The following AGBL4 variants were observed in gnomAD, a reference collection of about 807,000 sequenced individuals.
AGBL4 encodes AGBL carboxypeptidase 4, also known as cytosolic carboxypeptidase 6.
Under a neutral mutation model 66.4 loss-of-function variants are expected in AGBL4, and 58 were observed. The observed-to-expected ratio is 0.87, with a 90% CI of 0.71 to 1.09. The LOEUF (loss-of-function observed/expected upper bound fraction) is 1.09. Among genes scored for constraint, AGBL4 ranks in the 50% least tolerant of loss-of-function variants. The pLI is 0.00. For synonymous variants in AGBL4, 234 were observed against 222.9 expected, an observed-to-expected ratio of 1.05 and a Z score of -0.44; for missense variants, 579 against 631.0, an observed-to-expected ratio of 0.92 and a Z score of 0.88.
intron 4 of AGBL4, among the ~76,000 whole-genome samples, chr1:49,065,261 A>T (rs1272010206): frequency 6.6e-6 from 1 of 152,196 alleles, no homozygotes. Flanking sequence ...CTATGGACAT[A>T]CTAAATAATG....
intron 5 of AGBL4, among the ~76,000 whole-genome samples, chr1:48,905,214 C>T (rs1341140962): frequency 6.6e-6 from 1 of 152,144 alleles, no homozygotes; most frequent in African/African-American, 2.4e-5. Context: ...TCCTACCAGC[C>T]CCTCTATGAA....
At chr1:48,857,646 G>A (rs528772639) in intron 6 of AGBL4, among the ~76,000 whole-genome samples, 123 of 152,174 alleles carry the variant, frequency 8.1e-4, no homozygotes, top group African/African-American at 2.8e-3. Context: ...GTGTGAACCC[G>A]GAAGGTGGAG....
At chr1:48,734,587 T>A (rs1648713523) in intron 6 of AGBL4, among the ~76,000 whole-genome samples, 1 of 152,170 alleles carries the variant, frequency 6.6e-6, no homozygotes, top group African/African-American at 2.4e-5. Context: ...TCCTTCTACA[T>A]CCCAGCCATC....
chr1:48,881,657 T>C (rs1327550575), intron 5 of AGBL4, among the ~76,000 whole-genome samples: 1 of 121,992 alleles, frequency 8.2e-6, no homozygotes, highest in East Asian at 2.0e-4. Flanking sequence ...AGTTTAAGGA[T>C]TCTCTGATCT....
intron 2 of AGBL4, among the ~76,000 whole-genome samples, chr1:49,773,828 C>T (rs1408092381): frequency 1.3e-5 from 2 of 152,200 alleles, no homozygotes; most frequent in Non-Finnish European, 2.9e-5. Flanking sequence ...GGCCCAGCAG[C>T]TGCAAGGAGC....
intron 6 of AGBL4, among the ~76,000 whole-genome samples, chr1:48,750,010 G>A (rs1298056862): frequency 6.6e-5 from 10 of 152,190 alleles, no homozygotes; most frequent in Admixed American, 5.9e-4. Context: ...GAGTGCCTGA[G>A]GGTAGGAGTT....
intron 6 of AGBL4, among the ~76,000 whole-genome samples, chr1:48,833,469 G>A (rs1044845631): frequency 6.6e-6 from 1 of 152,186 alleles, no homozygotes; most frequent in Non-Finnish European, 1.5e-5. Flanking sequence ...AATAAAATGT[G>A]AGAAGAGAGA....
chr1:48,888,323 A>G (rs1650571477), intron 5 of AGBL4, among the ~76,000 whole-genome samples: 2 of 152,164 alleles, frequency 1.3e-5, no homozygotes, highest in Admixed American at 6.5e-5. Flanking sequence ...AGAAAAGCCA[A>G]GGCAGAATCT....
intron 3 of AGBL4, among the ~76,000 whole-genome samples, chr1:49,424,158 A>T (rs1359124168): frequency 6.6e-6 from 1 of 152,216 alleles, no homozygotes; most frequent in African/African-American, 2.4e-5. Flanking sequence ...AAGATCTATG[A>T]GATACATTTC....
At chr1:49,224,946 G>A (rs1649795921) in intron 4 of AGBL4, among the ~76,000 whole-genome samples, 1 of 152,168 alleles carries the variant, frequency 6.6e-6, no homozygotes, top group South Asian at 2.1e-4. Flanking sequence ...GTGGTTGTGT[G>A]CCCATGTACA....
chr1:49,973,915 A>G (rs1387167425), intron 1 of AGBL4, among the ~76,000 whole-genome samples: 1 of 151,892 alleles, frequency 6.6e-6, no homozygotes, highest in African/African-American at 2.4e-5. Flanking sequence ...TGCAGAGTGG[A>G]GAAATAATAA....
At chr1:49,818,355 GT>G (rs1645282963) in intron 2 of AGBL4, among the ~76,000 whole-genome samples, 1 of 136,914 alleles carries the variant, frequency 7.3e-6, no homozygotes, top group Non-Finnish European at 1.5e-5. Flanking sequence ...CTTTCTGTTT[GT>G]TTTTGTTTTT....
At chr1:49,045,561 C>A (rs1644057170) in intron 5 of AGBL4, 23 bp downstream of exon 5, 2 of 1,596,300 alleles carry the variant, frequency 1.3e-6, no homozygotes, top group African/African-American at 1.3e-5. Context: ...AAATGAGTAA[C>A]CCAAACCTGG....
At position 48,789,071 on chromosome 1, in the gene AGBL4, T is replaced by C. The variant is rs146727956; in HGVS notation, c.634+78120A>G. Among the ~76,000 whole-genome samples the C allele has an allele frequency of 3.9e-3, 595 of 152,264 alleles. 6 individuals are homozygous for C. The highest frequency in any genetic ancestry group is 0.013 in the African/African-American group (549 of 41,562). On this transcript the variant is annotated intron_variant, in intron 6 of 13. Transcript: ENST00000371839. ...AGTGATTGTTGTTATCCCTATTTTA[T>C]AGATGTAGCAACTGAGGTTCAGAGA... is the stretch of plus-strand genomic sequence containing the variant.
chr1:48,802,297 A>G (rs993926212), intron 6 of AGBL4, among the ~76,000 whole-genome samples: 1 of 152,182 alleles, frequency 6.6e-6, no homozygotes, highest in Non-Finnish European at 1.5e-5. Flanking sequence ...CACCTTAGCC[A>G]TTATCTCTCC....
intron 1 of AGBL4, among the ~76,000 whole-genome samples, chr1:49,879,945 G>A (rs1238690826): frequency 1.4e-5 from 2 of 144,174 alleles, no homozygotes; most frequent in African/African-American, 5.2e-5. Flanking sequence ...TCTTCCAGTT[G>A]ATCGCATCGG....
intron 3 of AGBL4, among the ~76,000 whole-genome samples, chr1:49,367,255 G>GTA (rs1395262696): frequency 3.3e-5 from 5 of 152,148 alleles, no homozygotes; most frequent in African/African-American, 1.2e-4. Flanking sequence ...GGTCATGGGG[G>GTA]TAGACCCTTT....
chr1:48,709,459 G>C (rs903803568), intron 6 of AGBL4, among the ~76,000 whole-genome samples: 2 of 152,126 alleles, frequency 1.3e-5, no homozygotes, highest in Non-Finnish European at 2.9e-5. Flanking sequence ...ATAGTTATTT[G>C]AGAGGCAGTG....
At chr1:49,797,313 A>G (rs1644754522) in intron 2 of AGBL4, among the ~76,000 whole-genome samples, 1 of 152,226 alleles carries the variant, frequency 6.6e-6, no homozygotes, top group African/African-American at 2.4e-5. Flanking sequence ...TTCTGATATT[A>G]AAGTTTCTGA....
Sources: gnomAD v4.1 joint callset for allele counts (sites outside exome capture counted in the v4.1 genomes callset) on GRCh38, gnomAD v4.1.1 for gene constraint, MANE v1.5 for transcripts, NCBI Gene and HGNC (gene_info 2026-07-23, HGNC 2026-07-21) for gene names.